Variants in GTF2IRD2B observed in about 807,000 individuals in gnomAD.
GTF2IRD2B encodes the protein GTF2I repeat domain containing 2B.
Under a neutral mutation model 55.6 loss-of-function variants are expected in GTF2IRD2B, and 10 were observed. The observed-to-expected ratio is 0.18, with a 90% confidence interval of 0.11 to 0.31. The LOEUF (loss-of-function observed/expected upper bound fraction) is 0.31. Among genes scored for constraint, GTF2IRD2B ranks in the 10% least tolerant of loss-of-function variants. GTF2IRD2B has a pLI of 1.00. For synonymous variants in GTF2IRD2B, 107 were observed against 320.5 expected, an observed-to-expected ratio of 0.33 and a Z score of 7.12; for missense variants, 206 against 802.7, an observed-to-expected ratio of 0.26 and a Z score of 8.98.
intron 15 of GTF2IRD2B, among the ~76,000 whole-genome samples, chr7:75,147,461 T>C (rs1381273189): frequency 6.6e-6 from 1 of 151,910 alleles, no homozygotes; most frequent in African/African-American, 2.4e-5. Context: ...AATTCAGTCT[T>C]CAGGTTTTCT....
At chr7:75,143,003 G>GT in intron 14 of GTF2IRD2B, among the ~76,000 whole-genome samples, 2 of 81,282 alleles carry the variant, frequency 2.5e-5, no homozygotes, top group East Asian at 5.1e-4. Flanking sequence ...GGCTGAGGCG[G>GT]GCCAGATCGC....
intron 3 of GTF2IRD2B, among the ~76,000 whole-genome samples, chr7:75,115,096 CTTTTT>C (rs60983909): frequency 4.6e-5 from 2 of 43,416 alleles, no homozygotes. Context: ...TCGTGCCCAG[CTTTTT>C]TTTTTTTTTT....
chr7:75,117,466 C>T (rs1328711993), intron 3 of GTF2IRD2B, among the ~76,000 whole-genome samples: 2 of 152,284 alleles, frequency 1.3e-5, no homozygotes, highest in Non-Finnish European at 2.9e-5. Context: ...TGATGACCAA[C>T]AGCATTTGGG....
At chr7:75,136,385 C>T (rs1808838505) in intron 10 of GTF2IRD2B, among the ~76,000 whole-genome samples, 1 of 149,642 alleles carries the variant, frequency 6.7e-6, no homozygotes, top group African/African-American at 2.5e-5. Context: ...ACTGCAGCCT[C>T]CACCTCCCGG....
intron 1 of GTF2IRD2B, among the ~76,000 whole-genome samples, chr7:75,099,895 C>T (rs1807486463): frequency 7.7e-6 from 1 of 130,270 alleles, no homozygotes; most frequent in Non-Finnish European, 1.7e-5. Context: ...GGTGGATCAC[C>T]TGAGGTCAGG....
At chr7:75,136,421 C>T (rs1808840527) in intron 10 of GTF2IRD2B, among the ~76,000 whole-genome samples, 1 of 147,812 alleles carries the variant, frequency 6.8e-6, no homozygotes, top group African/African-American at 2.6e-5. Context: ...CCTCCTCAGC[C>T]TCCTGAGTAG....
intron 1 of GTF2IRD2B, among the ~76,000 whole-genome samples, chr7:75,106,072 A>T (rs1554450192): frequency 6.6e-6 from 1 of 152,310 alleles, no homozygotes; most frequent in East Asian, 1.9e-4. Flanking sequence ...AATATTTCCA[A>T]ATAACCGCAT....
intron 1 of GTF2IRD2B, among the ~76,000 whole-genome samples, chr7:75,099,775 AATAAATAAAAC>A (rs1807477801): frequency 7.1e-6 from 1 of 141,808 alleles, no homozygotes; most frequent in African/African-American, 2.6e-5. Context: ...TAAATAAATA[AATAAATAAAAC>A]ATAATCCTCA....
At chr7:75,105,550 C>A (rs1807766773) in intron 1 of GTF2IRD2B, among the ~76,000 whole-genome samples, 1 of 152,298 alleles carries the variant, frequency 6.6e-6, no homozygotes, top group African/African-American at 2.4e-5. Context: ...TCCCTCCCTT[C>A]CCCCTACCAT....
At chr7:75,119,187 C>A (rs1584535463) in intron 3 of GTF2IRD2B, among the ~76,000 whole-genome samples, 1 of 23,240 alleles carries the variant, frequency 4.3e-5, no homozygotes, top group Non-Finnish European at 6.5e-5. Flanking sequence ...GAGTAAGACT[C>A]TCTCAAAAAA....
chr7:75,119,221 A>AAAAAAAAAAC (rs1808282455), intron 3 of GTF2IRD2B, among the ~76,000 whole-genome samples: 1 of 130,296 alleles, frequency 7.7e-6, no homozygotes, highest in Non-Finnish European at 1.7e-5. Context: ...AAAAAAAAAA[A>AAAAAAAAAAC]AAAAAAAAAA....
intron 8 of GTF2IRD2B, among the ~76,000 whole-genome samples, chr7:75,127,433 C>A (rs1214066939): frequency 6.7e-5 from 9 of 133,360 alleles, no homozygotes; most frequent in Non-Finnish European, 1.1e-4. Context: ...GGTACCACTG[C>A]ACTCCGGCCT....
intron 3 of GTF2IRD2B, among the ~76,000 whole-genome samples, chr7:75,115,916 TTC>T (rs1584532992): frequency 5.2e-4 from 39 of 75,616 alleles, no homozygotes; most frequent in African/African-American, 1.3e-3. Context: ...TTTCTTTTCT[TTC>T]TTTTTTTTTT....
At chr7:75,140,552 AGACG>A (rs1808983121) in intron 12 of GTF2IRD2B, among the ~76,000 whole-genome samples, 1 of 3,222 alleles carries the variant, frequency 3.1e-4, no homozygotes, top group Non-Finnish European at 5.2e-4. Context: ...TTTTTTTTTG[AGACG>A]GAGTCTTGCT....
chr7:75,127,000 AAAAAAC>A (rs1204357807), intron 8 of GTF2IRD2B, among the ~76,000 whole-genome samples: 14 of 140,020 alleles, frequency 1.0e-4, no homozygotes, highest in Admixed American at 3.8e-4. Context: ...CTGTGTCAAA[AAAAAAC>A]AAAAACAAAA....
chr7:75,133,663 C>G (rs1276502003), intron 9 of GTF2IRD2B, among the ~76,000 whole-genome samples: 2 of 149,094 alleles, frequency 1.3e-5, no homozygotes, highest in African/African-American at 5.2e-5. Context: ...GTGCCTCAGC[C>G]TCCCAAGGAG....
chr7:75,120,753 T>G, intron 3 of GTF2IRD2B, 138 bp from the exon 4 acceptor site: 1 of 1,329,798 alleles, frequency 7.5e-7, no homozygotes, highest in South Asian at 1.3e-5. Flanking sequence ...ATACAATTTT[T>G]TCTTGTTTTT....
chr7:75,132,525 C>G (rs1425097704), intron 8 of GTF2IRD2B, among the ~76,000 whole-genome samples: 2 of 146,320 alleles, frequency 1.4e-5, no homozygotes, highest in African/African-American at 5.4e-5. Flanking sequence ...ACGATGCCTT[C>G]CTTCATCCTC....
At chr7:75,139,516 C>T in intron 12 of GTF2IRD2B, among the ~76,000 whole-genome samples, 2 of 103,598 alleles carry the variant, frequency 1.9e-5, no homozygotes, top group African/African-American at 9.2e-5. Context: ...CACCTGTAGT[C>T]CCAGCTACTC....
Sources: allele counts gnomAD v4.1 joint callset (sites outside exome capture counted in the v4.1 genomes callset), GRCh38; gene constraint gnomAD v4.1.1; transcripts MANE v1.5; gene names NCBI Gene and HGNC (gene_info 2026-07-23, HGNC 2026-07-21).